Variants in EXOC6B observed in about 807,000 individuals in gnomAD.
The protein encoded by EXOC6B is exocyst complex component 6B, also known as SEC15 homolog B.
In EXOC6B, 54 loss-of-function variants were observed where a neutral mutation model predicts 113.5. That is an observed-to-expected ratio of 0.48 (90% CI 0.38 to 0.60). The LOEUF is 0.60. Ranked by LOEUF, EXOC6B falls within the 20% of genes least tolerant of loss-of-function variation. The probability of loss-of-function intolerance (pLI) is 0.00; values close to 1 mark genes in which losing one functional copy is unlikely to be tolerated. For synonymous variants in EXOC6B, 357 were observed against 339.0 expected (o/e 1.05, Z -0.58); for missense variants, 797 against 977.5 (o/e 0.82, Z 2.46).
intron 17 of EXOC6B, among the ~76,000 whole-genome samples, chr2:72,469,230 A>T (rs902501632): frequency 2.0e-5 from 3 of 152,102 alleles, no homozygotes; most frequent in Non-Finnish European, 4.4e-5. Flanking sequence ...AAATTTACTG[A>T]ATTCCACCTA....
intron 18 of EXOC6B, among the ~76,000 whole-genome samples, chr2:72,394,429 T>A (rs192356924): frequency 6.6e-6 from 1 of 152,264 alleles, no homozygotes; most frequent in Admixed American, 6.5e-5. Flanking sequence ...TGGTGGGGCT[T>A]GCTGGGTGAC....
At chr2:72,744,157 A>G (rs1681537650) in intron 1 of EXOC6B, among the ~76,000 whole-genome samples, 4 of 152,176 alleles carry the variant, frequency 2.6e-5, no homozygotes, top group African/African-American at 9.7e-5. Flanking sequence ...TGTGTAGTAG[A>G]CTATATACCA....
chr2:72,767,616 C>A (rs1179024379), intron 1 of EXOC6B, among the ~76,000 whole-genome samples: 3 of 150,388 alleles, frequency 2.0e-5, no homozygotes, highest in Non-Finnish European at 3.0e-5. Context: ...TTGAGACCAA[C>A]CTGGGAAACA....
chr2:72,809,248 T>TA (rs1318374151), intron 1 of EXOC6B, among the ~76,000 whole-genome samples: 1 of 152,202 alleles, frequency 6.6e-6, no homozygotes, highest in African/African-American at 2.4e-5. Flanking sequence ...ACATTAAATG[T>TA]AAATGGTTTA....
intron 20 of EXOC6B, among the ~76,000 whole-genome samples, chr2:72,319,899 G>A (rs529178163): frequency 9.2e-5 from 14 of 151,748 alleles, no homozygotes; most frequent in Non-Finnish European, 1.9e-4. Flanking sequence ...GCAGTGGTGC[G>A]ATCTCAGCCC....
chr2:72,623,538 C>T (rs936248315), intron 6 of EXOC6B, among the ~76,000 whole-genome samples: 1 of 152,186 alleles, frequency 6.6e-6, no homozygotes, highest in African/African-American at 2.4e-5. Flanking sequence ...CTAACCAATT[C>T]TAACTTCCTT....
chr2:72,406,447 T>C (rs925353513), intron 18 of EXOC6B, among the ~76,000 whole-genome samples: 1 of 152,136 alleles, frequency 6.6e-6, no homozygotes, highest in Non-Finnish European at 1.5e-5. Context: ...GACCACATAG[T>C]TGGAAGTAAA....
At chr2:72,587,897 A>G (rs1705692845) in intron 6 of EXOC6B, among the ~76,000 whole-genome samples, 1 of 152,186 alleles carries the variant, frequency 6.6e-6, no homozygotes, top group Non-Finnish European at 1.5e-5. Context: ...ATTTCTTGAA[A>G]GAATACATAC....
chr2:72,372,574 G>A (rs1691095987), intron 19 of EXOC6B, among the ~76,000 whole-genome samples: 2 of 152,146 alleles, frequency 1.3e-5, no homozygotes, highest in African/African-American at 4.8e-5. Flanking sequence ...GACTGGGCGT[G>A]GTGGCTCACA....
chr2:72,495,297 C>T, intron 15 of EXOC6B, 133 bp downstream of exon 15: 1 of 551,514 alleles, frequency 1.8e-6, no homozygotes, highest in Non-Finnish European at 3.2e-6. Context: ...ACAGCAGTGC[C>T]ATGCAGTGAA....
intron 1 of EXOC6B, among the ~76,000 whole-genome samples, chr2:72,754,044 C>T (rs1682233857): frequency 6.6e-6 from 1 of 152,118 alleles, no homozygotes; most frequent in Admixed American, 6.6e-5. Context: ...CAGGCAGGCA[C>T]CACCATGCCT....
intron 20 of EXOC6B, among the ~76,000 whole-genome samples, chr2:72,260,779 C>T (rs183620847): frequency 1.5e-4 from 23 of 152,280 alleles, no homozygotes; most frequent in African/African-American, 5.5e-4. Context: ...GGGATTCCAA[C>T]AGAATTCCTA....
At chr2:72,550,338 A>C (rs1297392233) in intron 8 of EXOC6B, among the ~76,000 whole-genome samples, 1 of 152,216 alleles carries the variant, frequency 6.6e-6, no homozygotes, top group Non-Finnish European at 1.5e-5. Flanking sequence ...GGCTATGAAG[A>C]GTCAGCACTA....
At chr2:72,184,543 C>G (rs1231808910) in intron 20 of EXOC6B, among the ~76,000 whole-genome samples, 2 of 152,056 alleles carry the variant, frequency 1.3e-5, no homozygotes, top group East Asian at 1.9e-4. Context: ...TTATCAAATG[C>G]CTTCAACATG....
intron 6 of EXOC6B, among the ~76,000 whole-genome samples, chr2:72,689,477 G>A (rs1677331603): frequency 6.6e-6 from 1 of 152,100 alleles, no homozygotes; most frequent in African/African-American, 2.4e-5. Context: ...TTTAAAGATA[G>A]GTACACCACA....
In EXOC6B at chr2:72,499,650, C is replaced by T. The variant is rs372572250; in HGVS notation, c.1239+251G>A. On this transcript the variant is annotated intron_variant, in intron 12 of 21. Transcript: ENST00000272427. Reference sequence around the variant, plus strand: ...TCAGGCAATCCTCTCACCTCTGCCCCCAGAGTGCCTGGGACTACAGGAATG... The same window carrying T: ...TCAGGCAATCCTCTCACCTCTGCCCTCAGAGTGCCTGGGACTACAGGAATG... Among the ~76,000 whole-genome samples, 5 of 151,832 alleles carry T rather than the reference C, an allele frequency of 3.3e-5. No individual in the cohort carries two copies. The South Asian group carries it at 8.3e-4, about 25-fold the overall frequency.
At chr2:72,320,371 C>A (rs1687781538) in intron 20 of EXOC6B, among the ~76,000 whole-genome samples, 1 of 151,930 alleles carries the variant, frequency 6.6e-6, no homozygotes. Context: ...AGCAAAAGGA[C>A]AGACACACAG....
At chr2:72,330,835 G>A (rs921619856) in intron 20 of EXOC6B, among the ~76,000 whole-genome samples, 7 of 151,950 alleles carry the variant, frequency 4.6e-5, no homozygotes, top group African/African-American at 1.4e-4. Context: ...AGGAGTTTGC[G>A]CATTTCCTAT....
At chr2:72,715,722 T>G (rs1477944784) in intron 6 of EXOC6B, among the ~76,000 whole-genome samples, 1 of 152,150 alleles carries the variant, frequency 6.6e-6, no homozygotes, top group East Asian at 1.9e-4. Context: ...TTATAGTTAT[T>G]TTATTCTAGC....
Sources: gnomAD v4.1 joint callset for allele counts (sites outside exome capture counted in the v4.1 genomes callset) on GRCh38, gnomAD v4.1.1 for gene constraint, MANE v1.5 for transcripts, NCBI Gene and HGNC (gene_info 2026-07-23, HGNC 2026-07-21) for gene names.